The following MAPK8IP1 variants were observed in gnomAD, a reference collection of about 807,000 sequenced individuals.
MAPK8IP1 encodes C-Jun-amino-terminal kinase-interacting protein 1.
A neutral mutation model predicts 72.6 loss-of-function variants in MAPK8IP1; 17 were observed. That is an observed-to-expected ratio of 0.23 (90% CI 0.16 to 0.35). The LOEUF (loss-of-function observed/expected upper bound fraction) is 0.35, where lower values mean the gene tolerates loss of function less well. Among genes scored for constraint, MAPK8IP1 ranks in the 10% least tolerant of loss-of-function variants. The pLI is 1.00. For synonymous variants in MAPK8IP1, 401 were observed against 443.4 expected (o/e 0.90, Z 1.20); for missense variants, 789 against 1,009.7 (o/e 0.78, Z 2.96).
chr11:45,895,155 G>A (rs2086593446), intron 1 of MAPK8IP1, among the ~76,000 whole-genome samples: 2 of 152,208 alleles, frequency 1.3e-5, no homozygotes, highest in African/African-American at 4.8e-5. Flanking sequence ...GGGGCGGGAG[G>A]GATGATGGCA....
In MAPK8IP1 at chr11:45,903,362, C is replaced by A; in HGVS notation, c.1418-3C>A. 6.2e-7 allele frequency: 1 copy of A among 1,613,624 alleles called. No individual in the cohort carries two copies. The highest frequency in any genetic ancestry group is 8.5e-7 in the Non-Finnish European group (1 of 1,179,838). ...CCATCCAGCCACACCACCTCACCTG[C>A]AGGTGCTGAGTCCTTCGGGCTGTTC... is the stretch of plus-strand genomic sequence containing the variant. On this transcript the variant is annotated splice_region_variant and splice_polypyrimidine_tract_variant and intron_variant, in intron 5 of 11. Transcript: ENST00000241014. The surrounding 1 kb of genome is among the most constrained non-coding windows in gnomAD (Gnocchi z 6.4).
chr11:45,899,838 G>A (rs1331373907), intron 2 of MAPK8IP1, among the ~76,000 whole-genome samples: 2 of 152,178 alleles, frequency 1.3e-5, no homozygotes, highest in African/African-American at 4.8e-5. Context: ...CTCTGGGCTC[G>A]GCTTACAACC....
intron 1 of MAPK8IP1, among the ~76,000 whole-genome samples, chr11:45,891,659 A>C (rs1041474499): frequency 6.6e-6 from 1 of 151,966 alleles, no homozygotes; most frequent in Non-Finnish European, 1.5e-5. Flanking sequence ...CCATCTCACA[A>C]CTCTGTGTCC....
chr11:45,886,039 G>T (rs1370450171), intron 1 of MAPK8IP1, 118 bp downstream of exon 1: 3 of 577,682 alleles, frequency 5.2e-6, no homozygotes, highest in Non-Finnish European at 8.2e-6. Context: ...GGCTGCGTGG[G>T]AGTGGGGTCT....
intron 1 of MAPK8IP1, among the ~76,000 whole-genome samples, chr11:45,886,190 C>G (rs891731017): frequency 1.3e-5 from 2 of 152,228 alleles, no homozygotes; most frequent in African/African-American, 4.8e-5. Flanking sequence ...GGAGGGGGCT[C>G]GGAGGCCTCC....
At chr11:45,905,535 G>A (rs528044448) in intron 11 of MAPK8IP1, 114 bp from the exon 12 acceptor site, 1 of 955,714 alleles carries the variant, frequency 1.0e-6, no homozygotes, top group Admixed American at 1.7e-5. Context: ...CCCAGCCAGA[G>A]GAACCAGAGC....
intron 2 of MAPK8IP1, among the ~76,000 whole-genome samples, chr11:45,899,131 C>G (rs188306592): frequency 1.3e-5 from 2 of 152,318 alleles, no homozygotes; most frequent in African/African-American, 4.8e-5. Context: ...ATCCCCTAGT[C>G]CCCAGTACCC....
At position 45,902,084 on chromosome 11, in the gene MAPK8IP1, A is replaced by G; in HGVS notation, c.604+23A>G. 1 of 1,598,404 alleles carries G rather than the reference A, an allele frequency of 6.3e-7. No individual in the cohort carries two copies. Among genetic ancestry groups the G allele is most frequent in the Non-Finnish European group, 8.6e-7 (1 of 1,165,768 alleles). On this transcript the variant is annotated intron_variant, in intron 4 of 11. Coordinates refer to ENST00000241014, the MANE Select transcript of MAPK8IP1 (RefSeq NM_005456.4). The surrounding 1 kb of genome is among the most constrained non-coding windows in gnomAD (Gnocchi z 9.3). ...CAGGTAAGTCAGGGCCCTCTTCCTT[A>G]CCTGGACCTCCGCCTGCCCTGACTC...
In MAPK8IP1 at chr11:45,885,738, C is replaced by T; in HGVS notation, c.-83C>T. ...CCCGAACTCCGCGGCGGCGGCTGCC[C>T]TCTCGCCGCGCCTCCGCCTCCTTCG... On this transcript the variant is annotated 5_prime_UTR_variant, in exon 1 of 12. Transcript: ENST00000241014. 2.5e-6 allele frequency: 2 copies of T among 785,140 alleles called. No homozygotes were observed. The highest frequency in any genetic ancestry group is 3.6e-6 in the Non-Finnish European group (2 of 560,016). 48.6% of individuals were successfully genotyped at this position (785,140 alleles called of 1,614,324 possible). A position where few individuals can be genotyped will look rare whatever the true frequency, so the allele number is the denominator to read the frequency against.
rs977232930 is a variant in MAPK8IP1 at position 45,906,310 on chromosome 11, T to C, written c.*589T>C. The stretch of plus-strand genomic sequence containing the variant: ...CCTGCCACTGACCTCACCGGCATGC[T>C]GGCCTGTGGCAGGCCTAGGACCTCA... On this transcript the variant is annotated 3_prime_UTR_variant, in exon 12 of 12. Coordinates refer to ENST00000241014, the MANE Select transcript of MAPK8IP1 (RefSeq NM_005456.4). 4.9e-6 allele frequency: 2 copies of C among 406,126 alleles called. No individual in the cohort carries two copies. The highest frequency in any genetic ancestry group is 1.3e-4 in the South Asian group (2 of 14,952). The allele number at this position is 406,126 out of a possible 1,614,324, so 25.2% of individuals were successfully genotyped here. A position where few individuals can be genotyped will look rare whatever the true frequency, so the allele number is the denominator to read the frequency against.
chr11:45,904,379 A>T lies in MAPK8IP1; in HGVS notation c.1667-76A>T. 2 of 1,328,838 alleles carry T rather than the reference A, an allele frequency of 1.5e-6. No individual in the cohort carries two copies. Among genetic ancestry groups the T allele is most frequent in the Non-Finnish European group, 2.1e-6 (2 of 931,876 alleles). The allele number at this position is 1,328,838 out of a possible 1,614,324, so 82.3% of individuals were successfully genotyped here. On this transcript the variant is annotated intron_variant, in intron 7 of 11. Transcript: ENST00000241014. The surrounding 1 kb of genome is among the most constrained non-coding windows in gnomAD (Gnocchi z 6.4). ...TGGGCTCTGCCATTCCCCGTGCCTC[A>T]CCCACCCTCCTTCACTTGGCTGCTC...
In MAPK8IP1 at chr11:45,902,386, C is replaced by T. The variant is rs2086660778; in HGVS notation, c.619C>T (p.Pro207Ser). 1 of 1,569,100 alleles carries T rather than the reference C, an allele frequency of 6.4e-7. No individual in the cohort carries two copies. Among genetic ancestry groups the T allele is most frequent in the Non-Finnish European group, 8.6e-7 (1 of 1,157,604 alleles). The part of the protein sequence containing the change: ...SPLKTGEQTP[P>S]HEHICLSDEL... ...CTGCTCTCCAGGGGAGCAGACACCACCGCATGAACACATCTGCCTGAGCGA... is the reference window on the plus strand; with the variant it reads ...CTGCTCTCCAGGGGAGCAGACACCATCGCATGAACACATCTGCCTGAGCGA... The change falls in exon 5 of 12, where the codon CCG becomes TCG. Residue 207 changes from proline (P) to serine (S), a missense_variant. Pro to Ser is a moderately conservative substitution (Grantham distance 74, BLOSUM62 -1). Transcript: ENST00000241014. This position sits in a 1 kb window ranked among gnomAD's most constrained non-coding sequence, Gnocchi z 9.3.
chr11:45,895,243 T>C (rs1302379897), intron 1 of MAPK8IP1, among the ~76,000 whole-genome samples: 3 of 151,924 alleles, frequency 2.0e-5, no homozygotes, highest in Non-Finnish European at 4.4e-5. Context: ...GACAGGCCAG[T>C]GGGGACATCT....
chr11:45,899,779 C>T (rs1476240051), intron 2 of MAPK8IP1, among the ~76,000 whole-genome samples: 1 of 152,180 alleles, frequency 6.6e-6, no homozygotes, highest in African/African-American at 2.4e-5. Flanking sequence ...CACCCCACCC[C>T]GAACTCCTTG....
At chr11:45,893,336 G>T (rs967205341) in intron 1 of MAPK8IP1, among the ~76,000 whole-genome samples, 3 of 152,022 alleles carry the variant, frequency 2.0e-5, no homozygotes, top group African/African-American at 7.3e-5. Context: ...AACACAAAAG[G>T]CATGTTTGTT....
intron 1 of MAPK8IP1, among the ~76,000 whole-genome samples, chr11:45,892,652 G>A (rs932052589): frequency 1.3e-5 from 2 of 152,126 alleles, no homozygotes; most frequent in Non-Finnish European, 2.9e-5. Context: ...ATTGAAGGAG[G>A]AGATAAAGGT....
rs774929831 is a variant in MAPK8IP1 at position 45,902,741 on chromosome 11, C to T, written c.974C>T (p.Pro325Leu). The T allele has an allele frequency of 1.9e-5, 31 of 1,604,910 alleles. No individual in the cohort carries two copies. Among genetic ancestry groups the T allele is most frequent in the Admixed American group, 3.4e-5 (2 of 59,636 alleles). Residue 325 changes from proline (P) to leucine (L), a missense_variant, in exon 5 of 12, where the codon CCG becomes CTG. Pro to Leu is a moderately conservative substitution (Grantham distance 98, BLOSUM62 -3). Around this residue, in one of 4 missense-constraint regions of MAPK8IP1, gnomAD observed 377 missense variants for 411.7 expected, o/e 0.92. Transcript: ENST00000241014. This position sits in a 1 kb window ranked among gnomAD's most constrained non-coding sequence, Gnocchi z 9.3. Reference sequence around the variant, plus strand: ...GCCTACCCCTCCACGGCAGGGCGGCCGCACCCCTCCATCAGTGAAGAGGAA... The same window carrying T: ...GCCTACCCCTCCACGGCAGGGCGGCTGCACCCCTCCATCAGTGAAGAGGAA... ...PAAYPSTAGRPHPSISEEEEG... is the reference protein window; with the variant it reads ...PAAYPSTAGRLHPSISEEEEG...
chr11:45,902,859 G>A lies in MAPK8IP1; in HGVS notation c.1092G>A (p.Arg364=), dbSNP rs1329362727. The change falls in exon 5 of 12, where the codon CGG becomes CGA. Residue 364 remains arginine, a synonymous_variant. Transcript: ENST00000241014. The surrounding 1 kb of genome is among the most constrained non-coding windows in gnomAD (Gnocchi z 9.3). Reference sequence around the variant, plus strand: ...TGGGGGAGCCGCCGCCACCTCCACGGGCCTCTCTGAGCTCGGACACCAGCG... The same window carrying A: ...TGGGGGAGCCGCCGCCACCTCCACGAGCCTCTCTGAGCTCGGACACCAGCG... The part of the protein sequence containing the change: ...GSLGEPPPPP[R]ASLSSDTSAL... 1 of 1,592,154 alleles carries A rather than the reference G, an allele frequency of 6.3e-7. No individual in the cohort carries two copies. Among genetic ancestry groups the A allele is most frequent in the Non-Finnish European group, 8.5e-7 (1 of 1,169,912 alleles).
chr11:45,895,258 G>C (rs73468356), intron 1 of MAPK8IP1, among the ~76,000 whole-genome samples: 5,519 of 152,248 alleles, frequency 0.036, 320 homozygotes, highest in African/African-American at 0.13. Flanking sequence ...ACATCTGGGA[G>C]GGCAGAGGCA....
Sources: allele counts gnomAD v4.1 joint callset (sites outside exome capture counted in the v4.1 genomes callset), GRCh38; gene constraint gnomAD v4.1.1; regional missense constraint gnomAD v4.1.1; non-coding constraint Gnocchi (gnomAD v3.1); transcripts MANE v1.5; gene names NCBI Gene and HGNC (gene_info 2026-07-23, HGNC 2026-07-21).